Variants in GRID2 observed in about 807,000 individuals in gnomAD.
GRID2 encodes glutamate receptor ionotropic, delta-2.
GRID2 carries 33 observed loss-of-function variants against 114.8 expected under a neutral mutation model. The observed-to-expected ratio is 0.29, with a 90% CI of 0.22 to 0.38. The LOEUF (loss-of-function observed/expected upper bound fraction) is 0.38. Ranked by LOEUF, GRID2 falls within the 10% of genes least tolerant of loss-of-function variation. The pLI is 1.00. For synonymous variants in GRID2, 505 were observed against 449.9 expected (o/e 1.12, Z -1.55); for missense variants, 1,184 against 1,257.7 (o/e 0.94, Z 0.89).
At chr4:92,532,984 G>A (rs1295076207) in intron 1 of GRID2, among the ~76,000 whole-genome samples, 1 of 152,000 alleles carries the variant, frequency 6.6e-6, no homozygotes, top group Admixed American at 6.6e-5. Context: ...CTACTTGGGA[G>A]GCTTGCTTGA....
chr4:93,602,613 T>C (rs1739797545), intron 13 of GRID2, among the ~76,000 whole-genome samples: 1 of 152,234 alleles, frequency 6.6e-6, no homozygotes, highest in Non-Finnish European at 1.5e-5. Flanking sequence ...GATGGCTAAC[T>C]TAATCAGTAA....
chr4:93,525,106 TA>T (rs773574020), intron 13 of GRID2, among the ~76,000 whole-genome samples: 1 of 151,880 alleles, frequency 6.6e-6, no homozygotes, highest in Non-Finnish European at 1.5e-5. Flanking sequence ...GGCTGCTAAG[TA>T]AAATGCAGAA....
intron 8 of GRID2, among the ~76,000 whole-genome samples, chr4:93,374,518 T>C (rs17330509): frequency 0.43 from 65,647 of 151,970 alleles, 15,234 homozygotes; most frequent in East Asian, 0.7. Context: ...TTGTAACTAA[T>C]CATTTGAGTT....
chr4:92,716,940 TGAG>T (rs929727465), intron 2 of GRID2, among the ~76,000 whole-genome samples: 1 of 152,184 alleles, frequency 6.6e-6, no homozygotes, highest in Non-Finnish European at 1.5e-5. Context: ...AAAGTGGAAG[TGAG>T]GAGATGACAA....
At chr4:92,590,412 CT>C in intron 2 of GRID2, 126 bp downstream of exon 2, 1 of 641,978 alleles carries the variant, frequency 1.6e-6, no homozygotes. Context: ...CATTATTTTC[CT>C]TGGAGATCAC....
intron 2 of GRID2, among the ~76,000 whole-genome samples, chr4:92,744,529 A>G (rs931962566): frequency 8.6e-5 from 13 of 151,680 alleles, no homozygotes; most frequent in African/African-American, 2.9e-4. Context: ...GGTTTGGTAC[A>G]TGAAAATGTG....
rs796846528 is a variant in GRID2, at chr4:93,365,373, G to A, written c.1246-30234G>A. Among the ~76,000 whole-genome samples the A allele has an allele frequency of 4.6e-5, 7 of 152,264 alleles. No individual in the cohort carries two copies. In the South Asian group the frequency reaches 1.0e-3, roughly 23 times the overall value. ...CAGACCTAGAGTTAAAGATCAAATA[G>A]ATATGTTCAGCATTTAATCAAATTT... On this transcript the variant is annotated intron_variant, in intron 8 of 15. Coordinates refer to ENST00000282020, the MANE Select transcript of GRID2 (RefSeq NM_001510.4).
At chr4:92,590,108 T>C in intron 1 of GRID2, 23 bp from the exon 2 acceptor site, 2 of 1,555,094 alleles carry the variant, frequency 1.3e-6, no homozygotes, top group African/African-American at 1.4e-5. Flanking sequence ...TATTATTTAA[T>C]GGCAAAATTC....
intron 4 of GRID2, among the ~76,000 whole-genome samples, chr4:93,170,264 A>G (rs1474179405): frequency 1.3e-5 from 2 of 151,988 alleles, no homozygotes; most frequent in Non-Finnish European, 2.9e-5. Context: ...TTGTATTTTT[A>G]TTAGAGATGG....
At chr4:92,707,003 G>C (rs1734986842) in intron 2 of GRID2, among the ~76,000 whole-genome samples, 1 of 151,784 alleles carries the variant, frequency 6.6e-6, no homozygotes, top group African/African-American at 2.4e-5. Flanking sequence ...TACAAACATA[G>C]GACCACTTAA....
chr4:93,292,486 T>C (rs1753855121), intron 8 of GRID2, among the ~76,000 whole-genome samples: 1 of 152,120 alleles, frequency 6.6e-6, no homozygotes, highest in South Asian at 2.1e-4. Context: ...ACATAGCTAT[T>C]CTTTTAGGCC....
chr4:93,688,124 G>A (rs1457947095), intron 14 of GRID2, among the ~76,000 whole-genome samples: 5 of 151,910 alleles, frequency 3.3e-5, no homozygotes, highest in African/African-American at 1.2e-4. Context: ...GAGATCAACA[G>A]CTGAGAATGA....
At chr4:92,691,639 C>T (rs1734187873) in intron 2 of GRID2, among the ~76,000 whole-genome samples, 1 of 152,226 alleles carries the variant, frequency 6.6e-6, no homozygotes, top group African/African-American at 2.4e-5. Context: ...TTCAAAATCT[C>T]TGGGCTGGGG....
At chr4:92,431,220 A>G (rs887949488) in intron 1 of GRID2, among the ~76,000 whole-genome samples, 1 of 152,128 alleles carries the variant, frequency 6.6e-6, no homozygotes, top group African/African-American at 2.4e-5. Flanking sequence ...TTCTCATTCA[A>G]TTTGATACTA....
intron 8 of GRID2, among the ~76,000 whole-genome samples, chr4:93,296,666 C>T (rs1341292282): frequency 6.6e-6 from 1 of 152,150 alleles, no homozygotes; most frequent in Non-Finnish European, 1.5e-5. Flanking sequence ...CTATTCATTT[C>T]TGTTACATGT....
At chr4:93,384,808 G>A (rs564930216) in intron 8 of GRID2, among the ~76,000 whole-genome samples, 6 of 152,200 alleles carry the variant, frequency 3.9e-5, no homozygotes, top group Non-Finnish European at 7.4e-5. Flanking sequence ...AAATACGCCT[G>A]ACTTTCTCAT....
At chr4:92,465,993 T>A (rs1014209712) in intron 1 of GRID2, among the ~76,000 whole-genome samples, 1 of 151,840 alleles carries the variant, frequency 6.6e-6, no homozygotes, top group Non-Finnish European at 1.5e-5. Flanking sequence ...AATAATAATA[T>A]ACATATTTTA....
In GRID2 at chr4:92,422,523, G is replaced by C. The variant is rs970558907; in HGVS notation, c.88+117779G>C. Among the ~76,000 whole-genome samples, 22 of 152,244 alleles carry C rather than the reference G, an allele frequency of 1.4e-4. No homozygotes were observed. In the South Asian group the frequency reaches 1.7e-3, roughly 11 times the overall value. On this transcript the variant is annotated intron_variant, in intron 1 of 15. Coordinates refer to ENST00000282020, the MANE Select transcript of GRID2 (RefSeq NM_001510.4). ...CAACTTGGTGGGGAAGGGGAAGCCA[G>C]TGAGCCAGCGGTGTTAATTAGTTAG...
At chr4:93,006,081 T>C (rs1437566998) in intron 2 of GRID2, among the ~76,000 whole-genome samples, 2 of 152,032 alleles carry the variant, frequency 1.3e-5, no homozygotes, top group African/African-American at 4.8e-5. Context: ...ATATCACCTC[T>C]CACAAACACC....
Sources: allele counts gnomAD v4.1 joint callset (sites outside exome capture counted in the v4.1 genomes callset), GRCh38; gene constraint gnomAD v4.1.1; transcripts MANE v1.5; gene names NCBI Gene and HGNC (gene_info 2026-07-23, HGNC 2026-07-21).